The following BSPH1 variants were observed in gnomAD, a reference collection of about 807,000 sequenced individuals.
BSPH1 encodes the protein binder of sperm 1.
A neutral mutation model predicts 22.5 loss-of-function variants in BSPH1; 21 were observed. That is an observed-to-expected ratio of 0.93 (90% CI 0.66 to 1.35). BSPH1 has a LOEUF of 1.35. Ranked by LOEUF, BSPH1 falls within the 40% of genes most tolerant of loss-of-function variation. The probability of loss-of-function intolerance (pLI) is 0.00; values close to 1 mark genes in which losing one functional copy is unlikely to be tolerated. For synonymous variants in BSPH1, 42 were observed against 53.6 expected (o/e 0.78, Z 0.95); for missense variants, 141 against 154.2 (o/e 0.91, Z 0.45).
intron 1 of BSPH1, 96 bp from the exon 2 acceptor site, chr19:47,981,037 T>G (rs1969415318): frequency 1.5e-6 from 1 of 650,576 alleles, no homozygotes; most frequent in Non-Finnish European, 2.5e-6. Context: ...AATAATACTA[T>G]TTTGAAAGTT....
chr19:47,984,642 C>T (rs1278517758), intron 1 of BSPH1, among the ~76,000 whole-genome samples: 1 of 152,088 alleles, frequency 6.6e-6, no homozygotes, highest in Non-Finnish European at 1.5e-5. Flanking sequence ...CAAATTAGTG[C>T]AGAAACAGAA....
At chr19:47,972,521 T>C (rs1969319740) in intron 5 of BSPH1, among the ~76,000 whole-genome samples, 2 of 152,176 alleles carry the variant, frequency 1.3e-5, no homozygotes, top group Non-Finnish European at 2.9e-5. Context: ...CTCCCACTTA[T>C]AAGTGACAGC....
chr19:47,991,413 C>T (rs1350766467), intron 1 of BSPH1, among the ~76,000 whole-genome samples: 1 of 151,502 alleles, frequency 6.6e-6, no homozygotes, highest in Non-Finnish European at 1.5e-5. Flanking sequence ...TTCACCTTCT[C>T]CTCCTCCTCA....
intron 3 of BSPH1, 67 bp from the exon 4 acceptor site, chr19:47,977,571 T>C: frequency 6.5e-7 from 1 of 1,528,028 alleles, no homozygotes; most frequent in Non-Finnish European, 8.8e-7. Flanking sequence ...AGCGACTGTC[T>C]TCCTAGGCGC....
intron 1 of BSPH1, among the ~76,000 whole-genome samples, chr19:47,989,379 T>G (rs1969502084): frequency 2.6e-5 from 4 of 151,762 alleles, no homozygotes; most frequent in African/African-American, 9.7e-5. Context: ...CTCCTGACCT[T>G]GTGATCCGCC....
At chr19:47,978,590 G>A (rs897785920) in intron 3 of BSPH1, among the ~76,000 whole-genome samples, 7 of 152,190 alleles carry the variant, frequency 4.6e-5, no homozygotes, top group African/African-American at 1.7e-4. Flanking sequence ...AGGACACAAT[G>A]TATATACAAT....
downstream of BSPH1, chr19:47,968,028 T>A (rs999176820): frequency 6.6e-6 from 1 of 152,228 alleles, no homozygotes; most frequent in Non-Finnish European, 1.5e-5. Flanking sequence ...CTGCAAAGAT[T>A]TCCCTTTTGC....
chr19:47,976,993 ACT>A (rs749774476), intron 4 of BSPH1, 139 bp from the exon 5 acceptor site: 7 of 782,220 alleles, frequency 8.9e-6, no homozygotes, highest in South Asian at 5.5e-5. Context: ...ACACATGCAC[ACT>A]CACACAGACA....
At chr19:47,972,723 G>C (rs1233304412) in intron 5 of BSPH1, among the ~76,000 whole-genome samples, 1 of 151,180 alleles carries the variant, frequency 6.6e-6, no homozygotes, top group Non-Finnish European at 1.5e-5. Context: ...CTGAGGTGGA[G>C]AGAGTGTTTA....
intron 3 of BSPH1, 24 bp from the exon 4 acceptor site, chr19:47,977,528 C>T (rs1253625067): frequency 1.3e-6 from 2 of 1,550,600 alleles, no homozygotes; most frequent in Admixed American, 2.0e-5. Context: ...AATTCTTCCT[C>T]TGTTTCTGGG....
intron 5 of BSPH1, among the ~76,000 whole-genome samples, chr19:47,975,721 T>G (rs1034166081): frequency 6.7e-6 from 1 of 149,540 alleles, no homozygotes; most frequent in Non-Finnish European, 1.5e-5. Context: ...AGTGGTGCGA[T>G]CTCGGCTCAC....
At position 47,980,928 on chromosome 19, in the gene BSPH1, TG is replaced by T; in HGVS notation, c.86del (p.Ser29Ter). ...IFPVILNELS[S>X]TVETITHFPE... ...GTTTTTTGATCAACTCACCCACAGT[TG>T]ATGATAATTCATCTGAAAAACACAA... On this transcript the variant is annotated frameshift_variant, in exon 2 of 6. Transcript: ENST00000344839. LOFTEE classifies it high-confidence loss of function. 6.9e-7 allele frequency: 1 copy of T among 1,457,902 alleles called. No homozygotes were observed. Among genetic ancestry groups the T allele is most frequent in the Non-Finnish European group, 9.2e-7 (1 of 1,089,546 alleles). The allele number at this position is 1,457,902 out of a possible 1,614,324, so 90.3% of individuals were successfully genotyped here.
At chr19:47,969,942 TTA>T (rs1451639640) in intron 5 of BSPH1, among the ~76,000 whole-genome samples, 2 of 148,706 alleles carry the variant, frequency 1.3e-5, no homozygotes, top group African/African-American at 2.5e-5. Flanking sequence ...ACTTTAGAAT[TTA>T]TGTTTCTGAG....
At chr19:47,976,641 CA>C in intron 5 of BSPH1, 68 bp downstream of exon 5, 1 of 1,096,314 alleles carries the variant, frequency 9.1e-7, no homozygotes, top group Non-Finnish European at 1.3e-6. Context: ...CCTCTGCCAA[CA>C]AAAACTCTAG....
chr19:47,982,198 A>G (rs991714278), intron 1 of BSPH1, among the ~76,000 whole-genome samples: 2 of 152,238 alleles, frequency 1.3e-5, no homozygotes, highest in African/African-American at 2.4e-5. Flanking sequence ...ACGTATTATA[A>G]TGTAATTAGC....
chr19:47,986,309 GA>G (rs1217022561), intron 1 of BSPH1, among the ~76,000 whole-genome samples: 1 of 152,204 alleles, frequency 6.6e-6, no homozygotes, highest in Non-Finnish European at 1.5e-5. Context: ...AGAAGGCCTG[GA>G]AGAGCACTGG....
downstream of BSPH1, among the ~76,000 whole-genome samples, chr19:47,967,881 G>A (rs1297892920): frequency 2.0e-5 from 3 of 152,174 alleles, no homozygotes; most frequent in Admixed American, 6.6e-5. Context: ...TCAACCCATA[G>A]AAAGGATATT....
intron 5 of BSPH1, among the ~76,000 whole-genome samples, chr19:47,973,634 T>C (rs766991049): frequency 5.3e-5 from 8 of 152,326 alleles, no homozygotes; most frequent in Non-Finnish European, 1.2e-4. Flanking sequence ...GTTGAGAGAT[T>C]GGACCCTTCC....
At position 47,990,260 on chromosome 19, in the gene BSPH1, G is replaced by A. The variant is rs559013954; in HGVS notation, c.73+1749C>T. Among the ~76,000 whole-genome samples the A allele has an allele frequency of 4.6e-5, 7 of 152,008 alleles. No homozygotes were observed. The East Asian group carries it at 5.8e-4, about 13-fold the overall frequency. ...CACATCATTTAAAATACAGGCTAAC[G>A]AGCCCGGGGCCCATGAGTTTTTATT... On this transcript the variant is annotated intron_variant, in intron 1 of 5. Coordinates refer to ENST00000344839, the MANE Select transcript of BSPH1 (RefSeq NM_001128326.2).
Sources: allele counts gnomAD v4.1 joint callset (sites outside exome capture counted in the v4.1 genomes callset), GRCh38; gene constraint gnomAD v4.1.1; transcripts MANE v1.5; gene names NCBI Gene and HGNC (gene_info 2026-07-23, HGNC 2026-07-21).